SFMBT1: variants seen among roughly 807,000 people sequenced by gnomAD.
The protein encoded by SFMBT1 is Scm like with four mbt domains 1.
A neutral mutation model predicts 108.7 loss-of-function variants in SFMBT1; 32 were observed. The observed-to-expected ratio is 0.29, with a 90% CI of 0.22 to 0.40. The LOEUF (loss-of-function observed/expected upper bound fraction) is 0.40, where lower values mean the gene tolerates loss of function less well. Ranked by LOEUF, SFMBT1 falls within the 10% of genes least tolerant of loss-of-function variation. The probability of loss-of-function intolerance (pLI) is 1.00; values close to 1 mark genes in which losing one functional copy is unlikely to be tolerated. For missense variants in SFMBT1, 816 were observed against 1,059.6 expected, an observed-to-expected ratio of 0.77 and a Z score of 3.19; for synonymous variants, 348 against 369.5, an observed-to-expected ratio of 0.94 and a Z score of 0.67.
In SFMBT1 at chr3:52,930,407, A is replaced by G. The variant is rs35757171; in HGVS notation, c.819T>C (p.His273=). The G allele has an allele frequency of 2.1e-3, 3,346 of 1,612,314 alleles. 52 individuals are homozygous for G. The African/African-American group carries it at 0.035, about 17-fold the overall frequency. The part of the protein sequence containing the change: ...LFKDKQVIGI[H]TFSVNMKLEA... ...CCAATTTCATGTTTACAGAGAATGT[A>G]TGAATGCCAATAACTTGTTTGTCCT... Residue 273 remains histidine (H), a synonymous_variant, in exon 8 of 21, where the codon CAT becomes CAC. Coordinates refer to ENST00000394752, the MANE Select transcript of SFMBT1 (RefSeq NM_016329.4).
chr3:52,982,253 T>C (rs28793628), intron 1 of SFMBT1, among the ~76,000 whole-genome samples: 2,276 of 152,254 alleles, frequency 0.015, 66 homozygotes, highest in African/African-American at 0.052. Context: ...GATTACACTA[T>C]TGAAGATTCC....
chr3:53,002,302 G>C (rs1698584502), intron 1 of SFMBT1, among the ~76,000 whole-genome samples: 1 of 148,528 alleles, frequency 6.7e-6, no homozygotes, highest in South Asian at 2.1e-4. Flanking sequence ...GGGAGGCTGA[G>C]GCAGGAGAAT....
intron 17 of SFMBT1, among the ~76,000 whole-genome samples, chr3:52,909,992 A>G (rs538994576): frequency 6.6e-6 from 1 of 152,086 alleles, no homozygotes; most frequent in South Asian, 2.1e-4. Context: ...TGTGCCCTTG[A>G]TGCCCCCTCC....
intron 1 of SFMBT1, among the ~76,000 whole-genome samples, chr3:53,005,127 G>A (rs1698693740): frequency 6.6e-6 from 1 of 152,106 alleles, no homozygotes; most frequent in African/African-American, 2.4e-5. Flanking sequence ...AAACTTATTC[G>A]AGATTACATA....
intron 10 of SFMBT1, 30 bp downstream of exon 10, chr3:52,926,001 T>C (rs769213444): frequency 1.3e-6 from 2 of 1,587,846 alleles, no homozygotes; most frequent in East Asian, 2.3e-5. Flanking sequence ...AGCCCTGCCA[T>C]AGTGGCCATG....
Position 52,910,794 on chromosome 3 carries a change from G to C in SFMBT1, c.1906+209C>G, listed in dbSNP as rs190503870. 3.3e-5 allele frequency among the ~76,000 whole-genome samples: 5 copies of C among 152,204 alleles called. No individual in the cohort carries two copies. The East Asian group carries it at 9.6e-4, about 29-fold the overall frequency. The stretch of plus-strand genomic sequence containing the variant: ...ATGAGCCACCACACCCGGCCAAAAG[G>C]GTTCTTAAAAAATGAAAACACAACA... On this transcript the variant is annotated intron_variant, in intron 17 of 20. Coordinates refer to ENST00000394752, the MANE Select transcript of SFMBT1 (RefSeq NM_016329.4).
In SFMBT1 at chr3:52,913,473, C is replaced by T; in HGVS notation, c.1620+5G>A. On this transcript the variant is annotated splice_donor_5th_base_variant and intron_variant, in intron 15 of 20. Coordinates refer to ENST00000394752, the MANE Select transcript of SFMBT1 (RefSeq NM_016329.4). ...AAGTTATTTTGCTCTAGGCCAGAAC[C>T]TTACCTCTCTAAGGACCAGAACACA... is the stretch of plus-strand genomic sequence containing the variant. The T allele has an allele frequency of 6.2e-7, 1 of 1,611,316 alleles. No individual in the cohort carries two copies. Among genetic ancestry groups the T allele is most frequent in the South Asian group, 1.1e-5 (1 of 90,306 alleles).
In SFMBT1 at chr3:52,907,102, A is replaced by G; in HGVS notation, c.2298T>C (p.Phe766=). The G allele has an allele frequency of 6.2e-7, 1 of 1,613,314 alleles. No homozygotes were observed. The highest frequency in any genetic ancestry group is 8.5e-7 in the Non-Finnish European group (1 of 1,179,770). ...RRKRELRTFS[F]SDDENKPPSP... is the part of the protein sequence containing the mutation. ...AAGGAGGTTTATTTTCATCGTCAGA[A>G]AATGAAAAGGTGCGAAGCTCCCTTT... Residue 766 remains phenylalanine (F), a synonymous_variant, in exon 19 of 21, where the codon TTT becomes TTC. Coordinates refer to ENST00000394752, the MANE Select transcript of SFMBT1 (RefSeq NM_016329.4).
intron 1 of SFMBT1, among the ~76,000 whole-genome samples, chr3:53,020,138 C>T (rs1026250530): frequency 2.0e-5 from 3 of 152,072 alleles, no homozygotes; most frequent in Admixed American, 6.6e-5. Flanking sequence ...GATGTAATCC[C>T]AGCACTTTGG....
intron 1 of SFMBT1, among the ~76,000 whole-genome samples, chr3:53,019,382 TG>T (rs1296820238): frequency 8.7e-6 from 1 of 115,268 alleles, no homozygotes; most frequent in Non-Finnish European, 1.9e-5. Flanking sequence ...GGTGTGTGTG[TG>T]TGTGGGGGGG....
chr3:52,943,462 A>G lies in SFMBT1; in HGVS notation c.255T>C (p.Asp85=). ...CTGCTCTCCGATCCTCCCCATAGCC[A>G]TCATAGCGGAGAAGGAGCAACTGCT... The part of the protein sequence containing the change: ...TCEQLLLLRY[D]GYGEDRRADF... Residue 85 remains aspartate, a synonymous_variant, in exon 4 of 21, where the codon GAT becomes GAC. Transcript: ENST00000394752. 2 of 1,614,178 alleles carry G rather than the reference A, an allele frequency of 1.2e-6. No individual in the cohort carries two copies. Among genetic ancestry groups the G allele is most frequent in the South Asian group, 2.2e-5 (2 of 91,074 alleles).
chr3:52,951,552 G>T (rs1333864270), intron 3 of SFMBT1, among the ~76,000 whole-genome samples: 1 of 124,056 alleles, frequency 8.1e-6, no homozygotes. Context: ...GAGTAGCTGG[G>T]ATTACAGGTG....
At chr3:52,950,465 C>G (rs1703535366) in intron 3 of SFMBT1, among the ~76,000 whole-genome samples, 1 of 152,102 alleles carries the variant, frequency 6.6e-6, no homozygotes, top group African/African-American at 2.4e-5. Context: ...TAAATTGTTG[C>G]TGTCATTACT....
At chr3:52,928,117 A>T in intron 9 of SFMBT1, 74 bp downstream of exon 9, 1 of 1,550,062 alleles carries the variant, frequency 6.5e-7, no homozygotes, top group Non-Finnish European at 8.7e-7. Context: ...AAAAGATTTC[A>T]GCAATGCCAT....
At position 53,008,069 on chromosome 3, in the gene SFMBT1, C is replaced by CAAA. The variant is rs11403096; in HGVS notation, c.-131+37744_-131+37746dup. ...AATCCTTTTGCTTGCCCCACCCCCG[C>CAAA]AAAAAAAAAAAAAGGCGGTGGGGAA... On this transcript the variant is annotated intron_variant, in intron 1 of 20. Coordinates refer to ENST00000394752, the MANE Select transcript of SFMBT1 (RefSeq NM_016329.4). Among the ~76,000 whole-genome samples, 53 of 142,382 alleles carry CAAA rather than the reference C, an allele frequency of 3.7e-4. 1 individual carries two copies. The East Asian group carries it at 5.7e-3, about 15-fold the overall frequency. The allele number at this position is 142,382 out of a possible 152,430, so 93.4% of individuals were successfully genotyped here. A position where few individuals can be genotyped will look rare whatever the true frequency, so the allele number is the denominator to read the frequency against.
At chr3:53,012,283 GAGA>G (rs1698968376) in intron 1 of SFMBT1, among the ~76,000 whole-genome samples, 1 of 152,226 alleles carries the variant, frequency 6.6e-6, no homozygotes, top group Admixed American at 6.5e-5. Flanking sequence ...TGGCTGAGAA[GAGA>G]AGGACAGATA....
chr3:52,966,005 C>CA (rs775989805), intron 2 of SFMBT1, among the ~76,000 whole-genome samples: 8,511 of 54,810 alleles, frequency 0.16, 1,011 homozygotes, highest in African/African-American at 0.24. Context: ...GACTCCGTTT[C>CA]AAAAAAAAAA....
At chr3:52,918,405 T>C (rs1702421233) in intron 13 of SFMBT1, 79 bp downstream of exon 13, 3 of 1,133,070 alleles carry the variant, frequency 2.6e-6, no homozygotes, top group Non-Finnish European at 2.5e-6. Context: ...TCTGAGAAAA[T>C]GAGGAAATAT....
intron 1 of SFMBT1, among the ~76,000 whole-genome samples, chr3:53,010,436 C>T (rs1698902371): frequency 6.6e-6 from 1 of 152,222 alleles, no homozygotes; most frequent in Non-Finnish European, 1.5e-5. Context: ...TGGGTCCTGA[C>T]TGAACCCTCT....
Sources: allele counts gnomAD v4.1 joint callset (sites outside exome capture counted in the v4.1 genomes callset), GRCh38; gene constraint gnomAD v4.1.1; transcripts MANE v1.5; gene names NCBI Gene and HGNC (gene_info 2026-07-23, HGNC 2026-07-21).